COL5A2: variants seen among roughly 807,000 people sequenced by gnomAD.
COL5A2 encodes the protein collagen alpha-2(V) chain.
A neutral mutation model predicts 208.2 loss-of-function variants in COL5A2; 23 were observed. The observed-to-expected ratio is 0.11, with a 90% confidence interval of 0.08 to 0.16. The LOEUF (loss-of-function observed/expected upper bound fraction) is 0.16, where lower values mean the gene tolerates loss of function less well. Among genes scored for constraint, COL5A2 ranks in the 10% least tolerant of loss-of-function variants. The pLI is 1.00. For synonymous variants in COL5A2, 625 were observed against 628.5 expected (o/e 0.99, Z 0.08); for missense variants, 1,590 against 1,956.4 (o/e 0.81, Z 3.53).
chr2:189,128,026 A>C (rs2105748100), intron 1 of COL5A2, among the ~76,000 whole-genome samples: 1 of 152,096 alleles, frequency 6.6e-6, no homozygotes, highest in Non-Finnish European at 1.5e-5. Context: ...AGGGCAAGAT[A>C]AATTTTTCTG....
At chr2:189,107,608 A>T (rs1164035798) in intron 2 of COL5A2, among the ~76,000 whole-genome samples, 2 of 151,512 alleles carry the variant, frequency 1.3e-5, no homozygotes, top group Non-Finnish European at 3.0e-5. Flanking sequence ...TTTGAGAAAG[A>T]TGCTAAATGC....
chr2:189,291,285 T>A, the COL5A2 span, among the ~76,000 whole-genome samples: 2 of 152,128 alleles, frequency 1.3e-5, no homozygotes, highest in African/African-American at 4.8e-5. Flanking sequence ...TAGAGAAGGC[T>A]GAAAGGTTAA....
chr2:189,368,477 T>C, the COL5A2 span, among the ~76,000 whole-genome samples: 1 of 152,128 alleles, frequency 6.6e-6, no homozygotes, highest in African/African-American at 2.4e-5. Context: ...TCATCACAAA[T>C]GAAGATCGAT....
At chr2:189,215,797 C>A (rs2105872897) in intron 1 of COL5A2, among the ~76,000 whole-genome samples, 1 of 152,270 alleles carries the variant, frequency 6.6e-6, no homozygotes, top group Non-Finnish European at 1.5e-5. Flanking sequence ...AATTCTACCT[C>A]TTTCGCCTAT....
chr2:189,082,262 T>C (rs1487883890), intron 12 of COL5A2, among the ~76,000 whole-genome samples: 1 of 152,208 alleles, frequency 6.6e-6, no homozygotes, highest in Non-Finnish European at 1.5e-5. Context: ...GAAATTCATA[T>C]AACAAAATCA....
At chr2:189,136,344 T>C (rs1200840465) in intron 1 of COL5A2, among the ~76,000 whole-genome samples, 2 of 150,826 alleles carry the variant, frequency 1.3e-5, no homozygotes, top group Admixed American at 1.3e-4. Flanking sequence ...TATAAATACA[T>C]ATTTATATAT....
At chr2:189,244,719 T>C in the COL5A2 span, among the ~76,000 whole-genome samples, 1 of 152,224 alleles carries the variant, frequency 6.6e-6, no homozygotes, top group East Asian at 1.9e-4. Flanking sequence ...TGTTCCAACA[T>C]CTGCCTGTTA....
At chr2:189,269,525 T>C in the COL5A2 span, among the ~76,000 whole-genome samples, 2 of 152,198 alleles carry the variant, frequency 1.3e-5, no homozygotes, top group African/African-American at 4.8e-5. Context: ...GTTCTATTTA[T>C]GTGATGCATT....
the COL5A2 span, among the ~76,000 whole-genome samples, chr2:189,380,236 G>A: frequency 6.6e-6 from 1 of 151,970 alleles, no homozygotes; most frequent in Non-Finnish European, 1.5e-5. Context: ...CCACTAGGAT[G>A]AAATAAAGCA....
At chr2:189,338,281 A>T in the COL5A2 span, among the ~76,000 whole-genome samples, 4 of 152,084 alleles carry the variant, frequency 2.6e-5, no homozygotes, top group African/African-American at 2.4e-5. Flanking sequence ...CCAGTTCAAT[A>T]TCCCACCTTG....
chr2:189,377,230 C>T, the COL5A2 span, among the ~76,000 whole-genome samples: 1 of 152,228 alleles, frequency 6.6e-6, no homozygotes, highest in Admixed American at 6.5e-5. Flanking sequence ...ACCCCACTGC[C>T]TTCAGTGCCC....
chr2:189,046,919 C>G (rs575128687), intron 45 of COL5A2, among the ~76,000 whole-genome samples: 1 of 151,836 alleles, frequency 6.6e-6, no homozygotes, highest in Non-Finnish European at 1.5e-5. Context: ...GTCAAGAGAT[C>G]GAGACCATCC....
chr2:189,298,334 A>G, the COL5A2 span, among the ~76,000 whole-genome samples: 24 of 152,278 alleles, frequency 1.6e-4, no homozygotes, highest in East Asian at 4.6e-3. Context: ...ATGAGTTAAT[A>G]GAAAAGCCTT....
In COL5A2 at chr2:189,066,419, C is replaced by G. The variant is rs1022068246; in HGVS notation, c.1534G>C (p.Val512Leu). The change falls in exon 23 of 54, where the codon GTT becomes CTT. Residue 512 changes from valine to leucine, a missense_variant. Coordinates refer to ENST00000374866, the MANE Select transcript of COL5A2 (RefSeq NM_000393.5). ...KRGPRGDPGT[V>L]GPPGPVGERG... ...TCTCCCACTGGCCCTGGAGGACCAA[C>G]TGTTCCTGGGTCACCTCTGGGACCT... 1 of 1,614,230 alleles carries G rather than the reference C, an allele frequency of 6.2e-7. No individual in the cohort carries two copies.
chr2:189,034,342 G>A, intron 53 of COL5A2, 126 bp from the exon 54 acceptor site: 3 of 981,164 alleles, frequency 3.1e-6, no homozygotes, highest in Non-Finnish European at 4.6e-6. Context: ...TTAAAAAAAA[G>A]GAATGAAAAC....
intron 50 of COL5A2, among the ~76,000 whole-genome samples, chr2:189,040,730 A>G (rs988220210): frequency 2.6e-5 from 4 of 152,206 alleles, no homozygotes; most frequent in Admixed American, 2.6e-4. Flanking sequence ...TTAAGAGAAA[A>G]GAAAAGACTT....
chr2:189,394,367 T>C, the COL5A2 span, among the ~76,000 whole-genome samples: 1 of 152,116 alleles, frequency 6.6e-6, no homozygotes, highest in Non-Finnish European at 1.5e-5. Flanking sequence ...ATTTATAGGT[T>C]GAAAACCCTA....
chr2:189,255,151 T>C, the COL5A2 span, among the ~76,000 whole-genome samples: 1 of 152,208 alleles, frequency 6.6e-6, no homozygotes, highest in Non-Finnish European at 1.5e-5. Flanking sequence ...TTTTGGTTGA[T>C]AGGACTCTCA....
chr2:189,365,127 T>C, the COL5A2 span, among the ~76,000 whole-genome samples: 1 of 152,236 alleles, frequency 6.6e-6, no homozygotes, highest in South Asian at 2.1e-4. Context: ...CTGTAATTTG[T>C]TATAATTTTA....
Sources: gnomAD v4.1 joint callset for allele counts (sites outside exome capture counted in the v4.1 genomes callset) on GRCh38, gnomAD v4.1.1 for gene constraint, MANE v1.5 for transcripts, NCBI Gene and HGNC (gene_info 2026-07-23, HGNC 2026-07-21) for gene names.